The following NDUFB4 variants were observed in gnomAD, a reference collection of about 807,000 sequenced individuals.
NDUFB4 encodes NADH dehydrogenase [ubiquinone] 1 beta subcomplex subunit 4.
A neutral mutation model predicts 14.5 loss-of-function variants in NDUFB4; 10 were observed. That is an observed-to-expected ratio of 0.69 (90% CI 0.43 to 1.17). The LOEUF (loss-of-function observed/expected upper bound fraction) is 1.17. Ranked by LOEUF, NDUFB4 falls within the 50% of genes most tolerant of loss-of-function variation. The pLI is 0.00. For missense variants in NDUFB4, 165 were observed against 161.1 expected, an observed-to-expected ratio of 1.02 and a Z score of -0.13; for synonymous variants, 65 against 63.4, an observed-to-expected ratio of 1.03 and a Z score of -0.12.
At chr3:120,598,220 G>A (rs1940000017) in intron 1 of NDUFB4, among the ~76,000 whole-genome samples, 1 of 151,784 alleles carries the variant, frequency 6.6e-6, no homozygotes, top group East Asian at 1.9e-4. Flanking sequence ...GTCCGGTTAA[G>A]TTTTTGTATT....
chr3:120,599,713 T>G (rs1940026034), intron 1 of NDUFB4, among the ~76,000 whole-genome samples: 1 of 152,128 alleles, frequency 6.6e-6, no homozygotes, highest in South Asian at 2.1e-4. Flanking sequence ...TTTTATGAAA[T>G]GAAATGTCTG....
rs1462707163 is a variant in NDUFB4, at chr3:120,602,244, G to C, written c.364G>C (p.Asp122His). 4 of 1,610,894 alleles carry C rather than the reference G, an allele frequency of 2.5e-6. No homozygotes were observed. The highest frequency in any genetic ancestry group is 3.4e-6 in the Non-Finnish European group (4 of 1,179,436). Residue 122 changes from aspartate (D) to histidine (H), a missense_variant, in exon 3 of 3, where the codon GAT (aspartate) becomes CAT (histidine). By Grantham distance (81) the Asp-to-His change is moderately conservative. Coordinates refer to ENST00000184266, the MANE Select transcript of NDUFB4 (RefSeq NM_004547.6). Reference protein sequence around the residue: ...KEKLIQEGKLDRTFHLSY With the variant: ...KEKLIQEGKLHRTFHLSY ...AAAACTTATCCAGGAAGGAAAATTG[G>C]ATCGAACATTTCACCTCTCATATTA...
chr3:120,596,689 GC>G, intron 1 of NDUFB4, 150 bp downstream of exon 1: 1 of 891,718 alleles, frequency 1.1e-6, no homozygotes, highest in Non-Finnish European at 1.7e-6. Flanking sequence ...TTTTACCTTT[GC>G]CAGAGCTTGG....
At chr3:120,601,466 GT>G (rs1433174796) in intron 2 of NDUFB4, 1 of 1,400,448 alleles carries the variant, frequency 7.1e-7, no homozygotes, top group African/African-American at 1.5e-5. Flanking sequence ...ATTTTTGTTA[GT>G]TCATTTGTTT....
chr3:120,600,339 G>A (rs538604982), intron 1 of NDUFB4, among the ~76,000 whole-genome samples: 3 of 152,088 alleles, frequency 2.0e-5, no homozygotes, highest in Non-Finnish European at 4.4e-5. Context: ...GTTAATTGGA[G>A]AGACTAATTT....
chr3:120,598,600 G>T lies in NDUFB4; in HGVS notation c.180+2061G>T, dbSNP rs952429752. ...GGGAGATTTGGAGTGTGTGTAAGTA[G>T]TAGGGGAGGTAAGCAGCTACAATCT... On this transcript the variant is annotated intron_variant, in intron 1 of 2. Transcript: ENST00000184266. Among the ~76,000 whole-genome samples, 3 of 152,144 alleles carry T rather than the reference G, an allele frequency of 2.0e-5. No homozygotes were observed. The East Asian group carries it at 5.8e-4, about 29-fold the overall frequency.
chr3:120,596,431 C>T lies in NDUFB4; in HGVS notation c.72C>T (p.Asn24=). The change falls in exon 1 of 3, where the codon AAC becomes AAT. Residue 24 remains asparagine, a synonymous_variant. Transcript: ENST00000184266. ...AGACCCTCGACCCAGCCGAATACAA[C>T]ATATCTCCGGAAACCCGGCGGGCGC... The part of the protein sequence containing the change: ...LPETLDPAEY[N]ISPETRRAQA... 6.2e-7 allele frequency: 1 copy of T among 1,614,174 alleles called. No individual in the cohort carries two copies. The highest frequency in any genetic ancestry group is 8.5e-7 in the Non-Finnish European group (1 of 1,180,012).
At chr3:120,600,961 T>C (rs1940048418) in intron 1 of NDUFB4, 150 bp from the exon 2 acceptor site, 1 of 631,718 alleles carries the variant, frequency 1.6e-6, no homozygotes, top group Admixed American at 3.4e-5. Context: ...GAAAGATCTT[T>C]CCTGAAGCTG....
intron 2 of NDUFB4, 127 bp from the exon 3 acceptor site, chr3:120,602,081 T>A: frequency 2.0e-6 from 3 of 1,487,506 alleles, no homozygotes; most frequent in Non-Finnish European, 2.7e-6. Flanking sequence ...TCATTCTGTT[T>A]GTCAGTTGTA....
intron 1 of NDUFB4, among the ~76,000 whole-genome samples, chr3:120,599,902 C>T (rs1054469815): frequency 6.6e-6 from 1 of 151,828 alleles, no homozygotes; most frequent in Non-Finnish European, 1.5e-5. Context: ...GTGTCTTTAC[C>T]CTCTTTTTTC....
chr3:120,601,137 C>G lies in NDUFB4; in HGVS notation c.207C>G (p.Ala69=). ...AAAATCCTGCCTTGCTTCGTTGGGC[C>G]TATGCAAGAACAATAAATGTCTATC... The part of the protein sequence containing the change: ...LIENPALLRW[A]YARTINVYPN... The change falls in exon 2 of 3, where the codon GCC becomes GCG. Residue 69 remains alanine (A), a synonymous_variant. Coordinates refer to ENST00000184266, the MANE Select transcript of NDUFB4 (RefSeq NM_004547.6). 6.2e-7 allele frequency: 1 copy of G among 1,613,082 alleles called. No homozygotes were observed. Among genetic ancestry groups the G allele is most frequent in the Non-Finnish European group, 8.5e-7 (1 of 1,179,802 alleles).
chr3:120,600,548 C>T (rs965007884), intron 1 of NDUFB4, among the ~76,000 whole-genome samples: 2 of 152,176 alleles, frequency 1.3e-5, no homozygotes, highest in Non-Finnish European at 2.9e-5. Flanking sequence ...ATGCTTTTCA[C>T]ACTAGGTCAG....
chr3:120,602,379 T>A lies in NDUFB4; in HGVS notation c.*109T>A. On this transcript the variant is annotated 3_prime_UTR_variant, in exon 3 of 3. Transcript: ENST00000184266. ...ACCTTGATTCAATGTTAAAAACTAT[T>A]AACACCCTAACAACACAGAAGCAGA... The A allele has an allele frequency of 9.5e-7, 1 of 1,050,652 alleles. No individual in the cohort carries two copies. Among genetic ancestry groups the A allele is most frequent in the Non-Finnish European group, 1.4e-6 (1 of 719,554 alleles). The allele number at this position is 1,050,652 out of a possible 1,614,324, so 65.1% of individuals were successfully genotyped here. A position where few individuals can be genotyped will look rare whatever the true frequency, so the allele number is the denominator to read the frequency against.
At position 120,601,384 on chromosome 3, in the gene NDUFB4, C is replaced by T. The variant is rs542497450; in HGVS notation, c.327+127C>T. The T allele has an allele frequency of 8.8e-5, 133 of 1,507,892 alleles. 1 individual carries two copies. The African/African-American group carries it at 1.2e-3, about 14-fold the overall frequency. 93.4% of individuals were successfully genotyped at this position (1,507,892 alleles called of 1,614,324 possible). A position where few individuals can be genotyped will look rare whatever the true frequency, so the allele number is the denominator to read the frequency against. ...ACCTTGGGGCTGTCCTCTGCCTTCC[C>T]TTCCTCTCTTCTTTTATCTTTATTC... On this transcript the variant is annotated intron_variant, in intron 2 of 2. Transcript: ENST00000184266.
chr3:120,596,964 TTA>T lies in NDUFB4; in HGVS notation c.180+435_180+436del, dbSNP rs955857929. Among the ~76,000 whole-genome samples, 226 of 143,212 alleles carry T rather than the reference TTA, an allele frequency of 1.6e-3. 3 individuals are homozygous for T. The South Asian group carries it at 0.017, about 11-fold the overall frequency. The allele number at this position is 143,212 out of a possible 152,430, so 94.0% of individuals were successfully genotyped here. A position where few individuals can be genotyped will look rare whatever the true frequency, so the allele number is the denominator to read the frequency against. ...TATATATATGCATATATATATTATA[TTA>T]TATATATATTCTATATATATGCATA... On this transcript the variant is annotated intron_variant, in intron 1 of 2. Coordinates refer to ENST00000184266, the MANE Select transcript of NDUFB4 (RefSeq NM_004547.6).
chr3:120,600,991 T>C (rs149364221), intron 1 of NDUFB4, 120 bp from the exon 2 acceptor site: 18,763 of 789,130 alleles, frequency 0.024, 257 homozygotes, highest in Middle Eastern at 0.038. Context: ...ATTCATGATA[T>C]ACCCTTAACT....
At chr3:120,600,102 T>C (rs1189768560) in intron 1 of NDUFB4, among the ~76,000 whole-genome samples, 1 of 124,606 alleles carries the variant, frequency 8.0e-6, no homozygotes, top group Non-Finnish European at 1.8e-5. Context: ...AGCATTTCCA[T>C]CATAAGGTTT....
At position 120,601,117 on chromosome 3, in the gene NDUFB4, C is replaced by G. The variant is rs1291958889; in HGVS notation, c.187C>G (p.Pro63Ala). 3.1e-6 allele frequency: 5 copies of G among 1,605,390 alleles called. No homozygotes were observed. The highest frequency in any genetic ancestry group is 4.2e-6 in the Non-Finnish European group (5 of 1,178,156). The change falls in exon 2 of 3, where the codon CCT becomes GCT. Residue 63 changes from proline to alanine, a missense_variant. Pro to Ala is a conservative substitution (Grantham distance 27). Transcript: ENST00000184266. The stretch of plus-strand genomic sequence containing the variant: ...TTGTTTTCATTAATTTTAGGAAAAT[C>G]CTGCCTTGCTTCGTTGGGCCTATGC... ...DPNRRGLIEN[P>A]ALLRWAYART...
chr3:120,601,254 G>C lies in NDUFB4; in HGVS notation c.324G>C (p.Glu108Asp), dbSNP rs771640226. 4 of 1,614,084 alleles carry C rather than the reference G, an allele frequency of 2.5e-6. No individual in the cohort carries two copies. Among genetic ancestry groups the C allele is most frequent in the Non-Finnish European group, 8.5e-7 (1 of 1,180,006 alleles). The part of the protein sequence containing the change: ...LIFIYYIIKT[E>D]RDRKEKLIQE... ...TCATTTATTATATTATCAAAACTGA[G>C]AGGGTAAGTATTCAGACCAGATGTT... is the stretch of plus-strand genomic sequence containing the variant. Residue 108 changes from glutamate (E) to aspartate (D), a missense_variant, in exon 2 of 3, where the codon GAG becomes GAC. Transcript: ENST00000184266.
Sources: gnomAD v4.1 joint callset for allele counts (sites outside exome capture counted in the v4.1 genomes callset) on GRCh38, gnomAD v4.1.1 for gene constraint, MANE v1.5 for transcripts, NCBI Gene and HGNC (gene_info 2026-07-23, HGNC 2026-07-21) for gene names.